Variants in MARCHF3 observed in about 807,000 individuals in gnomAD.
MARCHF3 encodes the protein E3 ubiquitin-protein ligase MARCHF3.
Under a neutral mutation model 24.2 loss-of-function variants are expected in MARCHF3, and 13 were observed. That is an observed-to-expected ratio of 0.54 (90% CI 0.35 to 0.85). The LOEUF (loss-of-function observed/expected upper bound fraction) is 0.85, where lower values mean the gene tolerates loss of function less well. MARCHF3 is among the 40% of genes least tolerant of loss of function. The pLI, the probability that MARCHF3 is intolerant of heterozygous loss-of-function variation, is 0.01. For missense variants in MARCHF3, 276 were observed against 325.0 expected, an observed-to-expected ratio of 0.85 and a Z score of 1.16; for synonymous variants, 144 against 137.3, an observed-to-expected ratio of 1.05 and a Z score of -0.34.
chr5:126,903,308 C>T (rs1754166702), intron 3 of MARCHF3, among the ~76,000 whole-genome samples: 1 of 152,070 alleles, frequency 6.6e-6, no homozygotes, highest in Middle Eastern at 3.4e-3. Context: ...AGAGCATGTC[C>T]CACCCAAAGG....
At chr5:126,992,968 T>C (rs980474059) in intron 1 of MARCHF3, among the ~76,000 whole-genome samples, 3 of 152,222 alleles carry the variant, frequency 2.0e-5, no homozygotes, top group Admixed American at 1.3e-4. Context: ...GAGACGGGGT[T>C]TCCCCGTGTT....
At chr5:126,960,493 A>G (rs542590939) in intron 1 of MARCHF3, among the ~76,000 whole-genome samples, 1 of 152,294 alleles carries the variant, frequency 6.6e-6, no homozygotes, top group Admixed American at 6.5e-5. Context: ...GAAGCAGAGT[A>G]TAAATCTTAT....
At chr5:126,960,464 G>A (rs1199859357) in intron 1 of MARCHF3, among the ~76,000 whole-genome samples, 2 of 152,086 alleles carry the variant, frequency 1.3e-5, no homozygotes, top group South Asian at 2.1e-4. Context: ...AAATTGAAAT[G>A]ATATTCAATA....
intron 1 of MARCHF3, among the ~76,000 whole-genome samples, chr5:126,920,762 T>C (rs1489334197): frequency 6.6e-6 from 1 of 152,188 alleles, no homozygotes; most frequent in African/African-American, 2.4e-5. Flanking sequence ...TCAAAGGAAG[T>C]AGTTCTAAAT....
At chr5:126,880,238 A>G (rs896509231) in intron 3 of MARCHF3, among the ~76,000 whole-genome samples, 3 of 152,298 alleles carry the variant, frequency 2.0e-5, no homozygotes, top group African/African-American at 7.2e-5. Context: ...AAATGTTTGC[A>G]TGAATCCCCA....
At chr5:127,025,171 A>C (rs985103647) in intron 1 of MARCHF3, among the ~76,000 whole-genome samples, 2 of 152,158 alleles carry the variant, frequency 1.3e-5, no homozygotes, top group Non-Finnish European at 2.9e-5. Flanking sequence ...AGGGAAGAAA[A>C]CATTGCAAAA....
At chr5:127,021,364 G>A (rs1488246526) in intron 1 of MARCHF3, among the ~76,000 whole-genome samples, 1 of 152,150 alleles carries the variant, frequency 6.6e-6, no homozygotes, top group East Asian at 1.9e-4. Flanking sequence ...AACCATTCCA[G>A]TCTAATAAGA....
At position 126,893,496 on chromosome 5, in the gene MARCHF3, T is replaced by C. The variant is rs575697624; in HGVS notation, c.394-15102A>G. On this transcript the variant is annotated intron_variant, in intron 3 of 4. Coordinates refer to ENST00000308660, the MANE Select transcript of MARCHF3 (RefSeq NM_178450.5). ...GAGATGCTGGTATGTTGTGTCTTTG[T>C]TGTTGTTGGTTTCAAAGAACATCTT... Among the ~76,000 whole-genome samples the C allele has an allele frequency of 4.0e-5, 6 of 151,738 alleles. No individual in the cohort carries two copies. The South Asian group carries it at 1.3e-3, about 32-fold the overall frequency.
intron 3 of MARCHF3, among the ~76,000 whole-genome samples, chr5:126,880,255 C>T (rs114675074): frequency 1.2e-4 from 18 of 152,224 alleles, no homozygotes; most frequent in African/African-American, 1.2e-4. Context: ...CCCAACACTC[C>T]ACCTTTCAGG....
chr5:127,009,898 G>T (rs1167756019), intron 1 of MARCHF3, among the ~76,000 whole-genome samples: 1 of 152,158 alleles, frequency 6.6e-6, no homozygotes, highest in Admixed American at 6.5e-5. Context: ...GTTACCAACT[G>T]GATGCCAACT....
intron 1 of MARCHF3, among the ~76,000 whole-genome samples, chr5:127,002,007 C>T (rs1317344043): frequency 6.6e-6 from 1 of 152,178 alleles, no homozygotes. Flanking sequence ...ACAGAATGGA[C>T]ACTACACATA....
chr5:126,902,933 G>A (rs1482021254), intron 3 of MARCHF3, among the ~76,000 whole-genome samples: 1 of 152,034 alleles, frequency 6.6e-6, no homozygotes, highest in Admixed American at 6.6e-5. Flanking sequence ...CTTGTCAGAG[G>A]TCAAGAAAGT....
intron 1 of MARCHF3, among the ~76,000 whole-genome samples, chr5:126,938,232 A>G (rs567026537): frequency 2.0e-4 from 29 of 148,500 alleles, no homozygotes; most frequent in Non-Finnish European, 3.5e-4. Flanking sequence ...CAGAGGCTCA[A>G]TCTTGGCTCA....
intron 1 of MARCHF3, among the ~76,000 whole-genome samples, chr5:126,943,154 C>G (rs1452149586): frequency 6.6e-6 from 1 of 152,086 alleles, no homozygotes. Context: ...ATTAGCCTGG[C>G]CTGGTGGCAG....
At chr5:126,973,322 T>C (rs1751076857) in intron 1 of MARCHF3, among the ~76,000 whole-genome samples, 1 of 152,272 alleles carries the variant, frequency 6.6e-6, no homozygotes. Context: ...TGTCCACGTT[T>C]GCATGCTAGG....
intron 1 of MARCHF3, among the ~76,000 whole-genome samples, chr5:126,970,898 C>T (rs73337246): frequency 0.016 from 2,387 of 152,220 alleles, 55 homozygotes; most frequent in African/African-American, 0.051. Flanking sequence ...ACTTACAAAC[C>T]AGCAAGAACA....
chr5:126,942,214 G>T (rs1244506757), intron 1 of MARCHF3, among the ~76,000 whole-genome samples: 1 of 152,152 alleles, frequency 6.6e-6, no homozygotes, highest in African/African-American at 2.4e-5. Context: ...ACTTTTTAGA[G>T]AATCTATTAG....
chr5:126,987,830 C>A (rs1379137636), intron 1 of MARCHF3, among the ~76,000 whole-genome samples: 1 of 152,106 alleles, frequency 6.6e-6, no homozygotes, highest in Non-Finnish European at 1.5e-5. Context: ...ACTCTCCTCC[C>A]CTACTCCCTG....
intron 1 of MARCHF3, among the ~76,000 whole-genome samples, chr5:126,987,293 C>G (rs10053382): frequency 2.6e-5 from 4 of 152,010 alleles, no homozygotes; most frequent in Non-Finnish European, 4.4e-5. Context: ...AAGAATAATA[C>G]AGGGTGTACT....
Sources: gnomAD v4.1 joint callset for allele counts (sites outside exome capture counted in the v4.1 genomes callset) on GRCh38, gnomAD v4.1.1 for gene constraint, MANE v1.5 for transcripts, NCBI Gene and HGNC (gene_info 2026-07-23, HGNC 2026-07-21) for gene names.